IDE: variants seen among roughly 807,000 people sequenced by gnomAD.
IDE encodes the protein insulin-degrading enzyme.
Under a neutral mutation model 133.2 loss-of-function variants are expected in IDE, and 58 were observed. The ratio of observed to expected loss-of-function variants is 0.44; its 90% confidence interval spans 0.35 to 0.54. IDE has a LOEUF of 0.54. Ranked by LOEUF, IDE falls within the 20% of genes least tolerant of loss-of-function variation. The pLI is 0.00. For missense variants in IDE, 981 were observed against 1,234.0 expected (o/e 0.79, Z 3.07); for synonymous variants, 396 against 421.3 (o/e 0.94, Z 0.73).
intron 4 of IDE, among the ~76,000 whole-genome samples, chr10:92,524,673 A>T (rs543800750): frequency 6.3e-4 from 92 of 146,142 alleles, no homozygotes; most frequent in African/African-American, 2.3e-3. Flanking sequence ...CTGTAATCCC[A>T]GCACTTTGAG....
intron 1 of IDE, 38 bp from the exon 2 acceptor site, chr10:92,537,588 T>A (rs753249656): frequency 6.9e-7 from 1 of 1,443,556 alleles, no homozygotes; most frequent in Non-Finnish European, 9.6e-7. Context: ...GATTTGTGAC[T>A]TTATATTTAA....
At chr10:92,528,461 G>GAA (rs777854346) in intron 4 of IDE, among the ~76,000 whole-genome samples, 4 of 127,012 alleles carry the variant, frequency 3.1e-5, no homozygotes, top group Non-Finnish European at 1.7e-5. Flanking sequence ...AGTTTCTCTA[G>GAA]AAAAAAAAAA....
intron 1 of IDE, among the ~76,000 whole-genome samples, chr10:92,556,459 C>T (rs1176576279): frequency 1.3e-5 from 2 of 151,756 alleles, no homozygotes; most frequent in East Asian, 3.9e-4. Context: ...CCTGTCTCTA[C>T]AAAAAATACG....
intron 4 of IDE, among the ~76,000 whole-genome samples, chr10:92,529,334 A>G (rs1397192754): frequency 6.6e-6 from 1 of 152,208 alleles, no homozygotes; most frequent in African/African-American, 2.4e-5. Context: ...AAAAAATTCA[A>G]CGTAAGTTTA....
intron 16 of IDE, 147 bp downstream of exon 16, chr10:92,475,737 G>A: frequency 2.2e-6 from 1 of 463,154 alleles, no homozygotes; most frequent in Non-Finnish European, 3.8e-6. Context: ...ATAGGATTTT[G>A]CAATGACAAG....
intron 4 of IDE, among the ~76,000 whole-genome samples, chr10:92,525,792 T>C (rs1589477207): frequency 1.5e-5 from 2 of 133,938 alleles, no homozygotes; most frequent in African/African-American, 5.5e-5. Flanking sequence ...ATCCCATTTA[T>C]AATAGCTACA....
chr10:92,455,473 T>C, intron 24 of IDE, 103 bp downstream of exon 24: 1 of 731,798 alleles, frequency 1.4e-6, no homozygotes, highest in Non-Finnish European at 2.4e-6. Flanking sequence ...TGAGTGAGAC[T>C]CCATTTCAAA....
intron 11 of IDE, among the ~76,000 whole-genome samples, chr10:92,492,259 CA>C (rs199701512): frequency 5.0e-4 from 59 of 118,324 alleles, no homozygotes; most frequent in East Asian, 4.1e-3. Context: ...GACTCTGTCT[CA>C]AAAAAAAAAA....
chr10:92,517,493 G>A (rs141653967), intron 4 of IDE, among the ~76,000 whole-genome samples: 165 of 152,222 alleles, frequency 1.1e-3, no homozygotes, highest in African/African-American at 3.7e-3. Context: ...CTGCAGCCTC[G>A]ATCTCCTGGG....
At chr10:92,538,486 C>T (rs752871266) in intron 1 of IDE, among the ~76,000 whole-genome samples, 8 of 152,164 alleles carry the variant, frequency 5.3e-5, no homozygotes, top group Non-Finnish European at 1.2e-4. Context: ...TGGAAGGACC[C>T]CAAGTATTTT....
intron 2 of IDE, among the ~76,000 whole-genome samples, chr10:92,536,192 G>A (rs544275478): frequency 8.6e-5 from 13 of 151,864 alleles, no homozygotes; most frequent in African/African-American, 3.1e-4. Flanking sequence ...AGACCAGCCT[G>A]GCCAACGTGG....
At chr10:92,520,391 T>C (rs1167324255) in intron 4 of IDE, among the ~76,000 whole-genome samples, 1 of 152,200 alleles carries the variant, frequency 6.6e-6, no homozygotes, top group Non-Finnish European at 1.5e-5. Flanking sequence ...AAGCCAGCAA[T>C]ATATTTCTTA....
chr10:92,515,561 T>C (rs1036423390), intron 4 of IDE, among the ~76,000 whole-genome samples: 2 of 81,692 alleles, frequency 2.4e-5, no homozygotes, highest in Admixed American at 2.4e-4. Flanking sequence ...GCACCCGGCC[T>C]TTTTTTTTTT....
At chr10:92,519,494 G>C (rs188827644) in intron 4 of IDE, among the ~76,000 whole-genome samples, 1 of 152,190 alleles carries the variant, frequency 6.6e-6, no homozygotes, top group South Asian at 2.1e-4. Flanking sequence ...TCCACTCTAC[G>C]CCTGCTAGGA....
intron 14 of IDE, chr10:92,480,605 C>T (rs1488516093): frequency 6.6e-6 from 1 of 152,166 alleles, no homozygotes; most frequent in African/African-American, 2.4e-5. Flanking sequence ...CTGGGGATAT[C>T]TAAGGGGTGG....
intron 22 of IDE, among the ~76,000 whole-genome samples, chr10:92,459,408 C>T (rs1454196395): frequency 6.6e-6 from 1 of 152,176 alleles, no homozygotes; most frequent in Non-Finnish European, 1.5e-5. Flanking sequence ...GAACTGTAAG[C>T]ACTGACTCCT....
intron 1 of IDE, among the ~76,000 whole-genome samples, chr10:92,551,158 T>C (rs1842759129): frequency 6.6e-6 from 1 of 152,248 alleles, no homozygotes; most frequent in African/African-American, 2.4e-5. Flanking sequence ...GTCACGCCAG[T>C]GTCCACTGAT....
At chr10:92,480,903 C>T in intron 14 of IDE, 1 of 967,096 alleles carries the variant, frequency 1.0e-6, no homozygotes, top group East Asian at 1.1e-4. Context: ...CAAAAGCCAA[C>T]AATTTTATCA....
At chr10:92,461,064 C>T in intron 22 of IDE, 127 bp downstream of exon 22, 1 of 545,578 alleles carries the variant, frequency 1.8e-6, no homozygotes, top group Non-Finnish European at 3.4e-6. Context: ...TGGTCTTTAA[C>T]TCCTGACCTC....
Sources: allele counts gnomAD v4.1 joint callset (sites outside exome capture counted in the v4.1 genomes callset), GRCh38; gene constraint gnomAD v4.1.1; transcripts MANE v1.5; gene names NCBI Gene and HGNC (gene_info 2026-07-23, HGNC 2026-07-21).